Variants in NCKAP5 observed in about 807,000 individuals in gnomAD.
NCKAP5 encodes the protein nck-associated protein 5.
NCKAP5 carries 92 observed loss-of-function variants against 167.0 expected under a neutral mutation model. The observed-to-expected ratio is 0.55, with a 90% confidence interval of 0.47 to 0.66. The LOEUF is 0.66. NCKAP5 is among the 30% of genes least tolerant of loss of function. The pLI, the probability that NCKAP5 is intolerant of heterozygous loss-of-function variation, is 0.00. For synonymous variants in NCKAP5, 891 were observed against 877.4 expected, an observed-to-expected ratio of 1.02 and a Z score of -0.27; for missense variants, 2,378 against 2,315.0, an observed-to-expected ratio of 1.03 and a Z score of -0.56.
intron 8 of NCKAP5, among the ~76,000 whole-genome samples, chr2:132,925,561 CA>C (rs575777951): frequency 0.17 from 9,106 of 53,674 alleles, 469 homozygotes; most frequent in African/African-American, 0.3. Context: ...GACTCCGTCT[CA>C]AAAAAAAAAA....
intron 4 of NCKAP5, among the ~76,000 whole-genome samples, chr2:133,224,432 G>A (rs2086795474): frequency 6.6e-6 from 1 of 152,126 alleles, no homozygotes; most frequent in Admixed American, 6.5e-5. Context: ...TCCAGATCTT[G>A]ACAAAATAAG....
chr2:132,775,007 T>C (rs1326809009), intron 15 of NCKAP5, among the ~76,000 whole-genome samples: 1 of 152,098 alleles, frequency 6.6e-6, no homozygotes. Flanking sequence ...TTGGACTCAG[T>C]ATCAAGACAA....
At chr2:133,313,797 C>T (rs1184277009) in intron 3 of NCKAP5, among the ~76,000 whole-genome samples, 1 of 152,004 alleles carries the variant, frequency 6.6e-6, no homozygotes, top group Non-Finnish European at 1.5e-5. Context: ...TAGAAGAGTC[C>T]TCATTTCAAC....
chr2:133,082,709 G>A (rs1345099960), intron 6 of NCKAP5, among the ~76,000 whole-genome samples: 1 of 152,086 alleles, frequency 6.6e-6, no homozygotes, highest in African/African-American at 2.4e-5. Flanking sequence ...GAAAATAACT[G>A]TCCCTGGTGC....
intron 6 of NCKAP5, among the ~76,000 whole-genome samples, chr2:133,018,937 A>G (rs1295063832): frequency 1.3e-5 from 2 of 152,362 alleles, no homozygotes; most frequent in South Asian, 4.1e-4. Context: ...GCTATTTAAA[A>G]GTCAACCATT....
intron 3 of NCKAP5, among the ~76,000 whole-genome samples, chr2:133,474,824 T>A (rs1183439975): frequency 6.6e-6 from 1 of 152,050 alleles, no homozygotes; most frequent in Non-Finnish European, 1.5e-5. Context: ...GTTGTTGTTG[T>A]TTTTGAGACA....
At chr2:133,377,367 A>C (rs942872659) in intron 3 of NCKAP5, among the ~76,000 whole-genome samples, 3 of 152,230 alleles carry the variant, frequency 2.0e-5, no homozygotes, top group Admixed American at 1.3e-4. Flanking sequence ...AGGCTGGAAT[A>C]AGCATAGTAA....
intron 8 of NCKAP5, chr2:132,929,881 T>C (rs925871006): frequency 2.6e-5 from 4 of 152,212 alleles, no homozygotes; most frequent in African/African-American, 9.7e-5. Context: ...TATTTCAGAT[T>C]AGGGTGAGCC....
intron 19 of NCKAP5, among the ~76,000 whole-genome samples, chr2:132,702,598 A>G (rs745918633): frequency 6.6e-6 from 1 of 152,148 alleles, no homozygotes; most frequent in Non-Finnish European, 1.5e-5. Flanking sequence ...GGCTCACACA[A>G]TGTGGAGAAA....
chr2:133,266,288 CG>C (rs910052219), intron 4 of NCKAP5: 2 of 152,362 alleles, frequency 1.3e-5, no homozygotes, highest in African/African-American at 2.4e-5. Context: ...CCCCTGCCGT[CG>C]GGCTATGGTA....
At chr2:133,465,369 T>A (rs1339502299) in intron 3 of NCKAP5, among the ~76,000 whole-genome samples, 1 of 152,016 alleles carries the variant, frequency 6.6e-6, no homozygotes, top group Non-Finnish European at 1.5e-5. Context: ...TAGTATTCCA[T>A]GGTGTATATG....
intron 3 of NCKAP5, among the ~76,000 whole-genome samples, chr2:133,308,182 G>A (rs975603537): frequency 1.0e-4 from 14 of 140,198 alleles, no homozygotes; most frequent in Non-Finnish European, 1.5e-4. Flanking sequence ...TCCGCCTCCC[G>A]GGTTCACGCC....
intron 4 of NCKAP5, among the ~76,000 whole-genome samples, chr2:133,237,725 A>C (rs1299538001): frequency 6.6e-6 from 1 of 152,220 alleles, no homozygotes; most frequent in Non-Finnish European, 1.5e-5. Context: ...TAACCCTTTA[A>C]AAGATGTCTC....
chr2:133,378,587 A>G (rs1206023241), intron 3 of NCKAP5, among the ~76,000 whole-genome samples: 1 of 152,196 alleles, frequency 6.6e-6, no homozygotes, highest in Non-Finnish European at 1.5e-5. Flanking sequence ...CTTCCTTCCC[A>G]AGTCTAGCTG....
intron 9 of NCKAP5, among the ~76,000 whole-genome samples, chr2:132,870,956 A>G (rs767005137): frequency 1.3e-5 from 2 of 151,978 alleles, no homozygotes; most frequent in Non-Finnish European, 2.9e-5. Flanking sequence ...CACAAGAAGG[A>G]TTTTTTTCCC....
intron 3 of NCKAP5, among the ~76,000 whole-genome samples, chr2:133,412,252 G>A (rs920140677): frequency 5.9e-5 from 9 of 152,128 alleles, no homozygotes; most frequent in Non-Finnish European, 1.3e-4. Context: ...TGCCATGCGG[G>A]GATAATGAAA....
intron 3 of NCKAP5, among the ~76,000 whole-genome samples, chr2:133,371,911 T>G (rs1182901086): frequency 6.6e-6 from 1 of 152,208 alleles, no homozygotes; most frequent in African/African-American, 2.4e-5. Context: ...TTGAGTTGTA[T>G]GACTTCAACA....
intron 19 of NCKAP5, among the ~76,000 whole-genome samples, chr2:132,699,331 G>T (rs1246156002): frequency 6.6e-6 from 1 of 152,052 alleles, no homozygotes; most frequent in African/African-American, 2.4e-5. Context: ...TGACATGATA[G>T]ATTTTTTTTA....
In NCKAP5 at chr2:132,782,459, T is replaced by A; in HGVS notation, c.4352A>T (p.His1451Leu). The change falls in exon 14 of 20, where the codon CAT becomes CTT. Residue 1451 changes from histidine (H) to leucine (L), a missense_variant. Physicochemically the swap from His to Leu is moderately conservative, Grantham distance 99. Coordinates refer to ENST00000409261, the MANE Select transcript of NCKAP5 (RefSeq NM_207363.3). Reference protein sequence around the residue: ...STSKLETSGRHPDASATATDA... With the variant: ...STSKLETSGRLPDASATATDA... ...AGTCGCGGTTGCAGAGGCATCTGGA[T>A]GCCTTCCAGAAGTTTCTAGCTTGGA... 6.2e-7 allele frequency: 1 copy of A among 1,613,472 alleles called. No homozygotes were observed. Among genetic ancestry groups the A allele is most frequent in the Non-Finnish European group, 8.5e-7 (1 of 1,179,724 alleles).
Sources: allele counts gnomAD v4.1 joint callset (sites outside exome capture counted in the v4.1 genomes callset), GRCh38; gene constraint gnomAD v4.1.1; transcripts MANE v1.5; gene names NCBI Gene and HGNC (gene_info 2026-07-23, HGNC 2026-07-21).